Variants in KAZN observed in about 807,000 individuals in gnomAD.
KAZN encodes kazrin.
A neutral mutation model predicts 87.4 loss-of-function variants in KAZN; 40 were observed. That is an observed-to-expected ratio of 0.46 (90% CI 0.36 to 0.60). The LOEUF (loss-of-function observed/expected upper bound fraction) is 0.60, where lower values mean the gene tolerates loss of function less well. Among genes scored for constraint, KAZN ranks in the 20% least tolerant of loss-of-function variants. The pLI, the probability that KAZN is intolerant of heterozygous loss-of-function variation, is 0.00. For synonymous variants in KAZN, 466 were observed against 458.3 expected, an observed-to-expected ratio of 1.02 and a Z score of -0.22; for missense variants, 898 against 1,073.9, an observed-to-expected ratio of 0.84 and a Z score of 2.29.
intron 2 of KAZN, among the ~76,000 whole-genome samples, chr1:14,558,778 T>A (rs1479159275): frequency 6.6e-6 from 1 of 152,138 alleles, no homozygotes; most frequent in African/African-American, 2.4e-5. Flanking sequence ...TAGCCTAGAG[T>A]ATCTAGGTCT....
At chr1:14,729,443 T>C (rs986006839) in intron 1 of KAZN, among the ~76,000 whole-genome samples, 1 of 152,224 alleles carries the variant, frequency 6.6e-6, no homozygotes, top group African/African-American at 2.4e-5. Flanking sequence ...TCGATGCTTT[T>C]ATAGGCGACC....
At chr1:14,528,748 CA>C (rs36033087) in intron 2 of KAZN, among the ~76,000 whole-genome samples, 902 of 66,946 alleles carry the variant, frequency 0.013, 4 homozygotes, top group East Asian at 0.048. Flanking sequence ...GACCCTGTCT[CA>C]AAAAAAAAAA....
intron 1 of KAZN, among the ~76,000 whole-genome samples, chr1:14,641,467 C>T (rs964848648): frequency 1.1e-4 from 16 of 152,184 alleles, no homozygotes; most frequent in East Asian, 7.7e-4. Context: ...GCATGAGGCT[C>T]GGCTCCACAA....
chr1:15,105,732 T>G (rs1311083756), intron 13 of KAZN, among the ~76,000 whole-genome samples: 1 of 151,958 alleles, frequency 6.6e-6, no homozygotes, highest in Non-Finnish European at 1.5e-5. Context: ...AACTGAGGCT[T>G]AAGGAAAAAT....
Position 15,065,756 on chromosome 1 carries a change from A to G in KAZN, c.1222+3A>G. ...CCTCGACCCCGGCCTCTTTGATGGTACCGCCCCTGATTATTACATAGAGGA... is the reference window on the plus strand; with the variant it reads ...CCTCGACCCCGGCCTCTTTGATGGTGCCGCCCCTGATTATTACATAGAGGA... On this transcript the variant is annotated splice_donor_region_variant and intron_variant, in intron 8 of 14. Transcript: ENST00000376030. 2 of 1,614,180 alleles carry G rather than the reference A, an allele frequency of 1.2e-6. No homozygotes were observed. The highest frequency in any genetic ancestry group is 1.7e-6 in the Non-Finnish European group (2 of 1,179,994).
intron 1 of KAZN, among the ~76,000 whole-genome samples, chr1:14,884,796 A>G (rs898854753): frequency 6.6e-6 from 1 of 152,190 alleles, no homozygotes; most frequent in African/African-American, 2.4e-5. Context: ...AGGCTGGCCC[A>G]TCCTCTCGCC....
chr1:14,352,855 G>A (rs1658664243), intron 2 of KAZN, among the ~76,000 whole-genome samples: 3 of 152,160 alleles, frequency 2.0e-5, no homozygotes, highest in South Asian at 2.1e-4. Flanking sequence ...GGAATGCAAG[G>A]TTTATTTAAC....
intron 2 of KAZN, among the ~76,000 whole-genome samples, chr1:14,196,894 A>T (rs1020327893): frequency 6.6e-6 from 1 of 152,094 alleles, no homozygotes; most frequent in South Asian, 2.1e-4. Flanking sequence ...AAAGTGAAGG[A>T]GGCTTCAAAG....
chr1:14,761,233 C>A (rs1644730302), intron 1 of KAZN, among the ~76,000 whole-genome samples: 1 of 152,118 alleles, frequency 6.6e-6, no homozygotes, highest in African/African-American at 2.4e-5. Flanking sequence ...CTTCCTGGAG[C>A]CCCCTGCCTT....
intron 1 of KAZN, among the ~76,000 whole-genome samples, chr1:14,764,372 A>G (rs1164846250): frequency 4.9e-5 from 4 of 81,098 alleles, no homozygotes; most frequent in Admixed American, 1.1e-4. Flanking sequence ...ACCACTCCCG[A>G]CCCCCTCCCC....
chr1:14,430,147 A>G (rs929898732), intron 2 of KAZN, among the ~76,000 whole-genome samples: 2 of 150,306 alleles, frequency 1.3e-5, no homozygotes, highest in Non-Finnish European at 3.0e-5. Flanking sequence ...TTTTCAAGGA[A>G]TCTTTTCGTG....
intron 1 of KAZN, among the ~76,000 whole-genome samples, chr1:14,875,883 G>C (rs759483387): frequency 6.6e-6 from 1 of 152,200 alleles, no homozygotes; most frequent in Non-Finnish European, 1.5e-5. Context: ...TTCCTGGAAG[G>C]GGGTAGATTT....
chr1:14,088,977 G>T (rs1196670935), intron 1 of KAZN, among the ~76,000 whole-genome samples: 8 of 144,588 alleles, frequency 5.5e-5, no homozygotes, highest in African/African-American at 5.1e-5. Context: ...TTGATTAGTG[G>T]TTGCATGCCT....
At chr1:14,535,244 C>G (rs1026160799) in intron 2 of KAZN, among the ~76,000 whole-genome samples, 2 of 152,224 alleles carry the variant, frequency 1.3e-5, no homozygotes, top group South Asian at 4.1e-4. Flanking sequence ...AATCCCCAAC[C>G]CTGAGCCACC....
intron 1 of KAZN, among the ~76,000 whole-genome samples, chr1:14,112,742 G>A (rs1294863272): frequency 1.3e-5 from 2 of 152,228 alleles, no homozygotes; most frequent in Non-Finnish European, 2.9e-5. Context: ...AGGCATGAGA[G>A]AGTGCAGTCT....
intron 1 of KAZN, among the ~76,000 whole-genome samples, chr1:14,097,726 T>C (rs1644159740): frequency 6.6e-6 from 1 of 152,206 alleles, no homozygotes; most frequent in African/African-American, 2.4e-5. Flanking sequence ...GCCTCTCATA[T>C]TCATTTAGTT....
intron 4 of KAZN, among the ~76,000 whole-genome samples, chr1:15,055,449 CAACAGAGTGA>C (rs1674849385): frequency 6.6e-6 from 1 of 152,084 alleles, no homozygotes; most frequent in Non-Finnish European, 1.5e-5. Context: ...CCAGTCTGGG[CAACAGAGTGA>C]AACTCCATCT....
intron 4 of KAZN, among the ~76,000 whole-genome samples, chr1:15,053,183 C>G (rs1478309738): frequency 6.6e-6 from 1 of 152,206 alleles, no homozygotes; most frequent in East Asian, 1.9e-4. Context: ...TGGGGCATCC[C>G]CCTAAGACTG....
chr1:14,256,079 C>G (rs1382171546), intron 2 of KAZN, among the ~76,000 whole-genome samples: 1 of 152,194 alleles, frequency 6.6e-6, no homozygotes, highest in Non-Finnish European at 1.5e-5. Flanking sequence ...GATTGTTACT[C>G]TTTAGATTTA....
Sources: allele counts gnomAD v4.1 joint callset (sites outside exome capture counted in the v4.1 genomes callset), GRCh38; gene constraint gnomAD v4.1.1; transcripts MANE v1.5; gene names NCBI Gene and HGNC (gene_info 2026-07-23, HGNC 2026-07-21).